The following ITGB3BP variants were observed in gnomAD, a reference collection of about 807,000 sequenced individuals.
The protein encoded by ITGB3BP is integrin subunit beta 3 binding protein, also known as centromere protein R.
In ITGB3BP, 27 loss-of-function variants were observed where a neutral mutation model predicts 29.1. That is an observed-to-expected ratio of 0.93 (90% CI 0.68 to 1.28). ITGB3BP has a LOEUF of 1.28. Ranked by LOEUF, ITGB3BP falls within the 50% of genes most tolerant of loss-of-function variation. ITGB3BP has a pLI of 0.00. For synonymous variants in ITGB3BP, 61 were observed against 61.4 expected (o/e 0.99, Z 0.03); for missense variants, 192 against 200.2 (o/e 0.96, Z 0.25).
chr1:63,521,322 C>T (rs375264853), intron 1 of ITGB3BP, among the ~76,000 whole-genome samples: 10 of 151,134 alleles, frequency 6.6e-5, no homozygotes, highest in African/African-American at 1.5e-4. Flanking sequence ...CATGCCATTA[C>T]GTTTTATGCA....
Position 63,441,109 on chromosome 1 carries a change from A to G in ITGB3BP, c.*2-6T>C, listed in dbSNP as rs1644723479. 2 of 152,500 alleles carry G rather than the reference A, an allele frequency of 1.3e-5. No individual in the cohort carries two copies. The highest frequency in any genetic ancestry group is 1.3e-4 in the Admixed American group (2 of 15,304). 9.4% of individuals were successfully genotyped at this position (152,500 alleles called of 1,614,324 possible). A position where few individuals can be genotyped will look rare whatever the true frequency, so the allele number is the denominator to read the frequency against. On this transcript the variant is annotated splice_polypyrimidine_tract_variant and splice_region_variant and intron_variant, in intron 8 of 8. Coordinates refer to ENST00000271002, the MANE Select transcript of ITGB3BP (RefSeq NM_014288.5). ...AGTGCATTTCTTCTTAATGCCTGTGAGATATAAAAGATAATTATATTATCA... is the reference window on the plus strand; with the variant it reads ...AGTGCATTTCTTCTTAATGCCTGTGGGATATAAAAGATAATTATATTATCA...
intron 4 of ITGB3BP, among the ~76,000 whole-genome samples, chr1:63,469,141 C>A (rs1379920496): frequency 1.3e-5 from 2 of 150,342 alleles, no homozygotes; most frequent in South Asian, 4.2e-4. Flanking sequence ...GTTGTTAGGG[C>A]AATAACATTA....
chr1:63,482,270 C>CAAAAAAAAA (rs376500389), intron 3 of ITGB3BP, among the ~76,000 whole-genome samples: 4 of 59,342 alleles, frequency 6.7e-5, no homozygotes, highest in Non-Finnish European at 1.1e-4. Context: ...GACTCCATCT[C>CAAAAAAAAA]AAAAAAAAAA....
chr1:63,452,408 C>T (rs6588031), intron 7 of ITGB3BP, among the ~76,000 whole-genome samples: 141,336 of 152,114 alleles, frequency 0.93, 66,577 homozygotes, highest in East Asian at 1. Context: ...ATAATAAACA[C>T]TTTGCTTTCC....
At chr1:63,443,626 C>G (rs995277230) in intron 8 of ITGB3BP, among the ~76,000 whole-genome samples, 7 of 151,974 alleles carry the variant, frequency 4.6e-5, no homozygotes. Flanking sequence ...GCAGGATAGG[C>G]TGTAGGGGAA....
intron 2 of ITGB3BP, among the ~76,000 whole-genome samples, chr1:63,500,682 T>C (rs1410823011): frequency 2.0e-5 from 3 of 152,222 alleles, no homozygotes; most frequent in Non-Finnish European, 4.4e-5. Context: ...GATGACTTAC[T>C]ATTATTGTTA....
chr1:63,501,032 A>C (rs1645916068), intron 2 of ITGB3BP, among the ~76,000 whole-genome samples: 1 of 152,210 alleles, frequency 6.6e-6, no homozygotes. Context: ...GATTTTTAAC[A>C]AAGGTGCCAA....
intron 1 of ITGB3BP, among the ~76,000 whole-genome samples, chr1:63,518,497 T>C (rs1570340938): frequency 6.6e-6 from 1 of 152,156 alleles, no homozygotes; most frequent in East Asian, 1.9e-4. Flanking sequence ...TTCTCTTTCA[T>C]CTAAGTACAA....
intron 3 of ITGB3BP, among the ~76,000 whole-genome samples, chr1:63,483,788 G>C (rs1315118630): frequency 1.3e-5 from 2 of 152,096 alleles, no homozygotes; most frequent in African/African-American, 4.8e-5. Context: ...TTTCTACTCA[G>C]ATATGTTTAA....
At chr1:63,489,992 T>C (rs1645611645) in intron 3 of ITGB3BP, 91 bp downstream of exon 3, 6 of 1,094,066 alleles carry the variant, frequency 5.5e-6, no homozygotes, top group Non-Finnish European at 8.1e-6. Context: ...AAATCAGCTG[T>C]AGCAAGATCC....
intron 1 of ITGB3BP, among the ~76,000 whole-genome samples, chr1:63,511,503 G>A (rs1271715061): frequency 6.6e-6 from 1 of 152,008 alleles, no homozygotes; most frequent in African/African-American, 2.4e-5. Flanking sequence ...CAGCAGCATT[G>A]CTCACAATAG....
chr1:63,512,664 A>C (rs1472021627), intron 1 of ITGB3BP, among the ~76,000 whole-genome samples: 1 of 152,134 alleles, frequency 6.6e-6, no homozygotes, highest in African/African-American at 2.4e-5. Context: ...TAAGCTTCAT[A>C]AAGTTGATAA....
intron 2 of ITGB3BP, among the ~76,000 whole-genome samples, chr1:63,493,088 A>ACACACACG (rs372348238): frequency 2.5e-4 from 37 of 148,848 alleles, no homozygotes; most frequent in African/African-American, 8.6e-4. Context: ...ACACACACAC[A>ACACACACG]CGCGCGCGCG....
At chr1:63,462,623 G>A (rs1645035719) in intron 4 of ITGB3BP, among the ~76,000 whole-genome samples, 1 of 152,072 alleles carries the variant, frequency 6.6e-6, no homozygotes, top group Non-Finnish European at 1.5e-5. Context: ...TTTAAGATTG[G>A]CTTTCCTCTT....
chr1:63,517,730 T>C (rs1198572783), intron 1 of ITGB3BP, among the ~76,000 whole-genome samples: 1 of 152,176 alleles, frequency 6.6e-6, no homozygotes, highest in Non-Finnish European at 1.5e-5. Context: ...TTTTTGTTGT[T>C]GTTGTTTTTG....
intron 3 of ITGB3BP, among the ~76,000 whole-genome samples, chr1:63,485,075 C>T (rs1645502137): frequency 6.6e-6 from 1 of 151,868 alleles, no homozygotes; most frequent in South Asian, 2.1e-4. Flanking sequence ...TTTTCTTTTT[C>T]TATTCCTTCA....
chr1:63,461,381 T>C (rs984875514), intron 4 of ITGB3BP, among the ~76,000 whole-genome samples: 1 of 152,102 alleles, frequency 6.6e-6, no homozygotes, highest in African/African-American at 2.4e-5. Context: ...TTATTAGATA[T>C]ATAATTTGAA....
intron 7 of ITGB3BP, among the ~76,000 whole-genome samples, chr1:63,448,624 C>T (rs939504195): frequency 2.0e-5 from 3 of 151,714 alleles, no homozygotes; most frequent in Non-Finnish European, 4.4e-5. Context: ...TTTTGTGGGG[C>T]TTTTTTGACT....
chr1:63,488,069 T>C (rs946457861), intron 3 of ITGB3BP, among the ~76,000 whole-genome samples: 2 of 152,142 alleles, frequency 1.3e-5, no homozygotes, highest in African/African-American at 4.8e-5. Flanking sequence ...AGAATCTAAG[T>C]AGAAGGAAGA....
Sources: gnomAD v4.1 joint callset for allele counts (sites outside exome capture counted in the v4.1 genomes callset) on GRCh38, gnomAD v4.1.1 for gene constraint, MANE v1.5 for transcripts, NCBI Gene and HGNC (gene_info 2026-07-23, HGNC 2026-07-21) for gene names.